Variants in PSMG1 observed in about 807,000 individuals in gnomAD.
PSMG1 encodes the protein proteasome assembly chaperone 1, also known as Down syndrome critical region gene 2.
A neutral mutation model predicts 37.2 loss-of-function variants in PSMG1; 23 were observed. The observed-to-expected ratio is 0.62, with a 90% CI of 0.44 to 0.88. PSMG1 has a LOEUF of 0.88. Ranked by LOEUF, PSMG1 falls within the 40% of genes least tolerant of loss-of-function variation. The probability of loss-of-function intolerance (pLI) is 0.00; values close to 1 mark genes in which losing one functional copy is unlikely to be tolerated. For missense variants in PSMG1, 340 were observed against 344.2 expected (o/e 0.99, Z 0.10); for synonymous variants, 127 against 128.0 (o/e 0.99, Z 0.05).
At chr21:39,179,837 C>A in intron 4 of PSMG1, 87 bp downstream of exon 4, 1 of 1,066,810 alleles carries the variant, frequency 9.4e-7, no homozygotes, top group Non-Finnish European at 1.4e-6. Flanking sequence ...TATCTGACTG[C>A]ATAAGTTTAA....
chr21:39,178,435 A>G lies in PSMG1; in HGVS notation c.655+14T>C. 1 of 1,600,050 alleles carries G rather than the reference A, an allele frequency of 6.2e-7. No individual in the cohort carries two copies. The highest frequency in any genetic ancestry group is 8.6e-7 in the Non-Finnish European group (1 of 1,167,382). ...AATAAGATAGAATGTAAATGTTACA[A>G]ATTTTAATACCACCTGCTGCAGGAA... On this transcript the variant is annotated intron_variant, in intron 5 of 6. Transcript: ENST00000331573.
At position 39,175,475 on chromosome 21, in the gene PSMG1, T is replaced by C; in HGVS notation, c.*115A>G. 1.5e-6 allele frequency: 2 copies of C among 1,368,886 alleles called. No homozygotes were observed. The highest frequency in any genetic ancestry group is 1.9e-6 in the Non-Finnish European group (2 of 1,053,276). 84.8% of individuals were successfully genotyped at this position (1,368,886 alleles called of 1,614,324 possible). On this transcript the variant is annotated 3_prime_UTR_variant, in exon 7 of 7. Coordinates refer to ENST00000331573, the MANE Select transcript of PSMG1 (RefSeq NM_003720.4). ...AACTACAATTAATTTTTTACAATTT[T>C]ATTCCGTTTCATCATTCTCAAAATA...
chr21:39,183,006 G>A, intron 1 of PSMG1: 1 of 458,680 alleles, frequency 2.2e-6, no homozygotes, highest in Non-Finnish European at 3.8e-6. Flanking sequence ...CCCTCCCACA[G>A]CGGCTTCACC....
Position 39,180,408 on chromosome 21 carries a change from T to C in PSMG1, c.270A>G (p.Ser90=). The C allele has an allele frequency of 1.2e-6, 2 of 1,601,918 alleles. No individual in the cohort carries two copies. Among genetic ancestry groups the C allele is most frequent in the Non-Finnish European group, 1.7e-6 (2 of 1,175,324 alleles). The change falls in exon 3 of 7, where the codon TCA becomes TCG. Residue 90 remains serine, a synonymous_variant. Coordinates refer to ENST00000331573, the MANE Select transcript of PSMG1 (RefSeq NM_003720.4). The part of the protein sequence containing the change: ...VAFLSSFVMN[S]GVWEEVGCAK... ...CACAACCAACTTCCTCCCAGACTCC[T>C]GAATTCATAACAAATGATGACAGAA...
At position 39,183,247 on chromosome 21, in the gene PSMG1, C is replaced by T; in HGVS notation, c.134+5G>A. 6.3e-7 allele frequency: 1 copy of T among 1,580,096 alleles called. No homozygotes were observed. The highest frequency in any genetic ancestry group is 1.4e-5 in the African/African-American group (1 of 72,044). On this transcript the variant is annotated splice_donor_5th_base_variant and intron_variant, in intron 1 of 6. Transcript: ENST00000331573. The stretch of plus-strand genomic sequence containing the variant: ...GAGCGCGCTGCCCTTATCCCGGTGC[C>T]TCACCTCTTCCGCGCCAGCTGCAGA...
intron 3 of PSMG1, 106 bp downstream of exon 3, chr21:39,180,179 A>C: frequency 7.3e-7 from 1 of 1,374,536 alleles, no homozygotes; most frequent in Middle Eastern, 1.9e-4. Context: ...AAAAGTGCAC[A>C]CTGACAGAGC....
intron 4 of PSMG1, among the ~76,000 whole-genome samples, chr21:39,179,362 C>T (rs1287794303): frequency 6.6e-6 from 1 of 152,104 alleles, no homozygotes; most frequent in Non-Finnish European, 1.5e-5. Flanking sequence ...GCCAGAATAG[C>T]GACTACAGGT....
intron 5 of PSMG1, 73 bp downstream of exon 5, chr21:39,178,376 G>T (rs1033002305): frequency 1.5e-6 from 2 of 1,378,524 alleles, no homozygotes; most frequent in African/African-American, 2.9e-5. Context: ...ACCTCAAAAA[G>T]ACCTCTAATG....
intron 4 of PSMG1, 32 bp downstream of exon 4, chr21:39,179,892 T>C: frequency 6.2e-7 from 1 of 1,601,684 alleles, no homozygotes; most frequent in Non-Finnish European, 8.5e-7. Context: ...TCCTGTAGAC[T>C]AACCATTCAC....
chr21:39,180,427 G>A lies in PSMG1; in HGVS notation c.251C>T (p.Ser84Leu). Residue 84 changes from serine to leucine, a missense_variant, in exon 3 of 7, where the codon TCA becomes TTA. Transcript: ENST00000331573. ...GACTCCTGAATTCATAACAAATGAT[G>A]ACAGAAATGCTGTAAAAAACAATTC... ...AIGNNAVAFL[S>L]SFVMNSGVWE... The A allele has an allele frequency of 1.3e-6, 2 of 1,592,134 alleles. No individual in the cohort carries two copies. The highest frequency in any genetic ancestry group is 1.7e-6 in the Non-Finnish European group (2 of 1,171,158).
At chr21:39,177,196 T>G (rs942793142) in intron 6 of PSMG1, among the ~76,000 whole-genome samples, 5 of 152,208 alleles carry the variant, frequency 3.3e-5, no homozygotes, top group Non-Finnish European at 7.4e-5. Context: ...ACATAGACAT[T>G]TGGGATTTAA....
intron 2 of PSMG1, among the ~76,000 whole-genome samples, chr21:39,181,178 C>G (rs977509279): frequency 6.6e-6 from 1 of 152,102 alleles, no homozygotes; most frequent in Non-Finnish European, 1.5e-5. Context: ...GTTACCCAAG[C>G]TGGAGCACGA....
At chr21:39,181,899 A>T in intron 1 of PSMG1, 21 bp from the exon 2 acceptor site, 1 of 1,526,826 alleles carries the variant, frequency 6.5e-7, no homozygotes, top group Non-Finnish European at 8.8e-7. Context: ...AAACAAGATG[A>T]AACTAAAGCA....
intron 4 of PSMG1, 83 bp downstream of exon 4, chr21:39,179,841 A>T (rs767554208): frequency 1.7e-5 from 19 of 1,116,930 alleles, no homozygotes; most frequent in Non-Finnish European, 2.3e-5. Context: ...TGACTGCATA[A>T]GTTTAAGTTA....
At chr21:39,178,422 T>C (rs1569141926) in intron 5 of PSMG1, 27 bp downstream of exon 5, 6 of 1,576,514 alleles carry the variant, frequency 3.8e-6, no homozygotes, top group South Asian at 1.1e-5. Flanking sequence ...TAAGATAGAA[T>C]GTAAATGTTA....
intron 1 of PSMG1, among the ~76,000 whole-genome samples, chr21:39,182,659 G>A (rs970937005): frequency 6.6e-6 from 1 of 152,168 alleles, no homozygotes. Flanking sequence ...AATAAACGTG[G>A]CAAAATCTTC....
At chr21:39,180,017 A>G (rs34227163) in intron 3 of PSMG1, 31 bp from the exon 4 acceptor site, 524,586 of 1,606,972 alleles carry the variant, frequency 0.33, 90,767 homozygotes, top group Middle Eastern at 0.36. Flanking sequence ...CTTTTTGTCA[A>G]GTAAGTTTTA....
chr21:39,183,224 G>A (rs779241321), intron 1 of PSMG1, 28 bp downstream of exon 1: 1 of 1,543,900 alleles, frequency 6.5e-7, no homozygotes, highest in South Asian at 1.2e-5. Context: ...GCTGCGGTGA[G>A]CGCGCTGCCC....
intron 3 of PSMG1, 117 bp downstream of exon 3, chr21:39,180,167 GA>G: frequency 7.5e-7 from 1 of 1,329,320 alleles, no homozygotes. Flanking sequence ...ATTAGTATCA[GA>G]AAAAGTGCAC....
Sources: allele counts gnomAD v4.1 joint callset (sites outside exome capture counted in the v4.1 genomes callset), GRCh38; gene constraint gnomAD v4.1.1; transcripts MANE v1.5; gene names NCBI Gene and HGNC (gene_info 2026-07-23, HGNC 2026-07-21).